Variants in TAFA2 observed in about 807,000 individuals in gnomAD.
TAFA2 encodes the protein TAFA chemokine like family member 2.
A neutral mutation model predicts 18.8 loss-of-function variants in TAFA2; 7 were observed. The observed-to-expected ratio is 0.37, with a 90% CI of 0.21 to 0.70. The LOEUF is 0.70. Ranked by LOEUF, TAFA2 falls within the 30% of genes least tolerant of loss-of-function variation. The pLI is 0.53. For synonymous variants in TAFA2, 60 were observed against 54.2 expected (o/e 1.11, Z -0.47); for missense variants, 122 against 158.1 (o/e 0.77, Z 1.23).
rs17125685 is a variant in TAFA2, at chr12:62,027,890, C to T, written c.-1-160464G>A. Among the ~76,000 whole-genome samples the T allele has an allele frequency of 5.0e-3, 754 of 152,210 alleles. 6 individuals carry two copies. Among genetic ancestry groups the T allele is most frequent in the African/African-American group, 0.017 (719 of 41,532 alleles). On this transcript the variant is annotated intron_variant, in intron 1 of 4. Transcript: ENST00000416284. The stretch of plus-strand genomic sequence containing the variant: ...GCTGCTTCTGCTCTACCAAATCCTT[C>T]GGGGAACCACAAGATTAGCTCCAGA...
intron 1 of TAFA2, among the ~76,000 whole-genome samples, chr12:62,038,786 G>A (rs1424421895): frequency 1.3e-5 from 2 of 152,130 alleles, no homozygotes; most frequent in Non-Finnish European, 2.9e-5. Flanking sequence ...TCCCAGGAAA[G>A]AAATGCATGT....
intron 1 of TAFA2, among the ~76,000 whole-genome samples, chr12:61,932,579 A>T (rs935868483): frequency 6.6e-6 from 1 of 152,112 alleles, no homozygotes. Context: ...AGCTGGGATT[A>T]CAGGCACCCC....
At chr12:61,795,381 C>T (rs1871148851) in intron 2 of TAFA2, among the ~76,000 whole-genome samples, 1 of 152,016 alleles carries the variant, frequency 6.6e-6, no homozygotes, top group African/African-American at 2.4e-5. Flanking sequence ...ATATATACAC[C>T]ATGGAATACT....
intron 1 of TAFA2, among the ~76,000 whole-genome samples, chr12:62,010,839 C>T (rs968415234): frequency 2.9e-5 from 4 of 137,548 alleles, no homozygotes; most frequent in South Asian, 4.8e-4. Flanking sequence ...CCCAGCAGCC[C>T]TTCGTCTGGG....
At chr12:62,022,734 C>T (rs1040904895) in intron 1 of TAFA2, among the ~76,000 whole-genome samples, 2 of 152,182 alleles carry the variant, frequency 1.3e-5, no homozygotes, top group African/African-American at 2.4e-5. Context: ...GTAGCATAAA[C>T]TTTAACTCCC....
intron 2 of TAFA2, among the ~76,000 whole-genome samples, chr12:61,839,966 A>C (rs190985141): frequency 6.6e-6 from 1 of 152,230 alleles, no homozygotes; most frequent in Admixed American, 6.5e-5. Context: ...CATGAGGAAA[A>C]GATTTCAGAC....
At chr12:62,136,767 C>T (rs184251423) in intron 1 of TAFA2, among the ~76,000 whole-genome samples, 11 of 152,180 alleles carry the variant, frequency 7.2e-5, no homozygotes, top group East Asian at 1.9e-4. Context: ...CAATTTCTCT[C>T]GCATGCAGAG....
intron 1 of TAFA2, among the ~76,000 whole-genome samples, chr12:61,933,724 T>C (rs1018827171): frequency 2.4e-4 from 36 of 152,006 alleles, no homozygotes; most frequent in African/African-American, 8.5e-4. Flanking sequence ...CCCTGTCTCT[T>C]TATATATCTA....
At chr12:62,053,950 G>A (rs189525270) in intron 1 of TAFA2, among the ~76,000 whole-genome samples, 19 of 152,230 alleles carry the variant, frequency 1.2e-4, no homozygotes, top group African/African-American at 4.6e-4. Context: ...ATTTTTCTTG[G>A]TTGAATGTGA....
intron 1 of TAFA2, among the ~76,000 whole-genome samples, chr12:61,971,516 C>G (rs943000570): frequency 3.3e-5 from 5 of 151,080 alleles, no homozygotes; most frequent in African/African-American, 1.2e-4. Context: ...AAATGTGGCA[C>G]ATATACAACA....
At chr12:61,772,077 A>C (rs141445667) in intron 2 of TAFA2, among the ~76,000 whole-genome samples, 1 of 151,982 alleles carries the variant, frequency 6.6e-6, no homozygotes, top group Non-Finnish European at 1.5e-5. Flanking sequence ...AATACAAAAG[A>C]TCACTTAAGG....
chr12:62,217,723 T>C (rs2062741591), intron 1 of TAFA2, among the ~76,000 whole-genome samples: 1 of 152,140 alleles, frequency 6.6e-6, no homozygotes, highest in Non-Finnish European at 1.5e-5. Flanking sequence ...ACAGCTCAGC[T>C]CTCCCATGAA....
chr12:62,222,100 T>C (rs925544971), intron 1 of TAFA2, among the ~76,000 whole-genome samples: 4 of 152,200 alleles, frequency 2.6e-5, no homozygotes, highest in Non-Finnish European at 4.4e-5. Flanking sequence ...GGTCTGTTTC[T>C]GTGATAGAGG....
intron 4 of TAFA2, among the ~76,000 whole-genome samples, chr12:61,723,280 T>C (rs1183190018): frequency 6.6e-6 from 1 of 152,170 alleles, no homozygotes; most frequent in Non-Finnish European, 1.5e-5. Flanking sequence ...AATATTAGCA[T>C]ACATTTTGTT....
chr12:61,864,310 A>G lies in TAFA2; in HGVS notation c.106+3010T>C, dbSNP rs150777101. Reference sequence around the variant, plus strand: ...GGAGGAAAACATAAAATTGCATAAAATAGGATCATCAGATAGAAATATATA... The same window carrying G: ...GGAGGAAAACATAAAATTGCATAAAGTAGGATCATCAGATAGAAATATATA... On this transcript the variant is annotated intron_variant, in intron 2 of 4. Coordinates refer to ENST00000416284, the MANE Select transcript of TAFA2 (RefSeq NM_178539.5). Among the ~76,000 whole-genome samples, 552 of 151,300 alleles carry G rather than the reference A, an allele frequency of 3.6e-3. 6 individuals are homozygous for G. The highest frequency in any genetic ancestry group is 0.013 in the African/African-American group (527 of 41,362).
intron 1 of TAFA2, among the ~76,000 whole-genome samples, chr12:61,926,174 A>T (rs891043321): frequency 1.3e-5 from 2 of 152,322 alleles, no homozygotes; most frequent in Non-Finnish European, 1.5e-5. Flanking sequence ...TAGACCAAAA[A>T]CAAGTTCTGA....
chr12:62,250,064 T>TG, intron 1 of TAFA2, among the ~76,000 whole-genome samples: 1 of 152,344 alleles, frequency 6.6e-6, no homozygotes, highest in Non-Finnish European at 1.5e-5. Flanking sequence ...AAGTTCAAGA[T>TG]GGGGCATCTG....
intron 1 of TAFA2, among the ~76,000 whole-genome samples, chr12:62,037,869 G>T (rs1881651812): frequency 6.6e-6 from 1 of 152,090 alleles, no homozygotes; most frequent in South Asian, 2.1e-4. Flanking sequence ...CTCTTTGGAG[G>T]AAACAACAAA....
chr12:61,879,808 G>A (rs1315465549), intron 1 of TAFA2: 14 of 1,468,882 alleles, frequency 9.5e-6, no homozygotes, highest in Non-Finnish European at 1.3e-5. Flanking sequence ...TGAAGCTGGA[G>A]GCAGAGCTTG....
Sources: gnomAD v4.1 joint callset for allele counts (sites outside exome capture counted in the v4.1 genomes callset) on GRCh38, gnomAD v4.1.1 for gene constraint, MANE v1.5 for transcripts, NCBI Gene and HGNC (gene_info 2026-07-23, HGNC 2026-07-21) for gene names.